The following BRINP2 variants were observed in gnomAD, a reference collection of about 807,000 sequenced individuals.
BRINP2 encodes the protein BMP/retinoic acid inducible neural specific 2.
A neutral mutation model predicts 69.2 loss-of-function variants in BRINP2; 21 were observed. That is an observed-to-expected ratio of 0.30 (90% CI 0.22 to 0.44). The LOEUF is 0.44. Among genes scored for constraint, BRINP2 ranks in the 20% least tolerant of loss-of-function variants. The pLI is 1.00. For synonymous variants in BRINP2, 380 were observed against 394.1 expected, an observed-to-expected ratio of 0.96 and a Z score of 0.42; for missense variants, 877 against 986.0, an observed-to-expected ratio of 0.89 and a Z score of 1.48.
chr1:177,189,837 T>C (rs2102295704), intron 1 of BRINP2, among the ~76,000 whole-genome samples: 1 of 152,208 alleles, frequency 6.6e-6, no homozygotes, highest in Middle Eastern at 3.4e-3. Context: ...GAATAAACCA[T>C]CTTAACGTTA....
At chr1:177,229,726 C>A (rs764791196) in intron 1 of BRINP2, 75 bp from the exon 2 acceptor site, 108 of 1,102,640 alleles carry the variant, frequency 9.8e-5, no homozygotes, top group Non-Finnish European at 1.3e-4. Context: ...TGGGCCCAAC[C>A]CAATTATGTG....
At chr1:177,247,059 C>T (rs1477106621) in intron 2 of BRINP2, among the ~76,000 whole-genome samples, 1 of 152,148 alleles carries the variant, frequency 6.6e-6, no homozygotes, top group Non-Finnish European at 1.5e-5. Context: ...TTTGGCTATT[C>T]TTGTTCATGT....
rs769036872 is a variant in BRINP2 at position 177,280,539 on chromosome 1, C to T, written c.1363C>T (p.Pro455Ser). The T allele has an allele frequency of 1.2e-6, 2 of 1,614,218 alleles. No individual in the cohort carries two copies. The highest frequency in any genetic ancestry group is 1.7e-6 in the Non-Finnish European group (2 of 1,180,050). Residue 455 changes from proline to serine, a missense_variant, in exon 8 of 8, where the codon CCC (proline) becomes TCC (serine). This residue lies in a region of BRINP2 where 566 missense variants were observed against 625.2 expected (regional missense o/e 0.91). Transcript: ENST00000361539. ...CPYDQSSCQG[P>S]IPCALGEGPA... is the part of the protein sequence containing the mutation. ...CTATGACCAATCTTCCTGCCAGGGCCCCATCCCATGTGCCTTGGGCGAAGG... is the reference window on the plus strand; with the variant it reads ...CTATGACCAATCTTCCTGCCAGGGCTCCATCCCATGTGCCTTGGGCGAAGG...
At chr1:177,269,998 T>A (rs866619275) in intron 4 of BRINP2, among the ~76,000 whole-genome samples, 1 of 148,746 alleles carries the variant, frequency 6.7e-6, no homozygotes, top group South Asian at 2.1e-4. Context: ...CAAAGCTGTC[T>A]GCCTCTTCTA....
At chr1:177,209,021 G>A (rs1241683902) in intron 1 of BRINP2, among the ~76,000 whole-genome samples, 1 of 152,060 alleles carries the variant, frequency 6.6e-6, no homozygotes, top group African/African-American at 2.4e-5. Flanking sequence ...TCATTCTGGA[G>A]TTTAAGAGGT....
At chr1:177,237,406 TC>T (rs77239168) in intron 2 of BRINP2, among the ~76,000 whole-genome samples, 1 of 130,254 alleles carries the variant, frequency 7.7e-6, no homozygotes, top group African/African-American at 2.6e-5. Context: ...TAATACATTC[TC>T]AGTGATTGAT....
rs144465493 is a variant in BRINP2 at position 177,215,738 on chromosome 1, A to T, written c.-76-14063A>T. ...GGAATTCCAAAACCATGATGAATAG[A>T]CCTGGCAAGAGTGGGCATCCTTGAC... is the stretch of plus-strand genomic sequence containing the variant. On this transcript the variant is annotated intron_variant, in intron 1 of 7. Transcript: ENST00000361539. Among the ~76,000 whole-genome samples, 1,087 of 152,254 alleles carry T rather than the reference A, an allele frequency of 7.1e-3. 13 individuals are homozygous for T. Among genetic ancestry groups the T allele is most frequent in the African/African-American group, 0.025 (1,045 of 41,562 alleles).
chr1:177,239,771 C>T (rs1650138064), intron 2 of BRINP2, among the ~76,000 whole-genome samples: 1 of 152,150 alleles, frequency 6.6e-6, no homozygotes, highest in South Asian at 2.1e-4. Context: ...GAGGCTGAGG[C>T]CCCTGAGTAT....
intron 2 of BRINP2, among the ~76,000 whole-genome samples, chr1:177,230,713 G>A (rs997058087): frequency 6.6e-6 from 1 of 152,218 alleles, no homozygotes; most frequent in African/African-American, 2.4e-5. Context: ...CATCAGAGCT[G>A]AAAGTCAGAC....
intron 2 of BRINP2, among the ~76,000 whole-genome samples, chr1:177,233,494 G>C (rs976781384): frequency 2.6e-5 from 4 of 152,250 alleles, no homozygotes; most frequent in Admixed American, 6.5e-5. Flanking sequence ...ATTAGCCTAT[G>C]CAGGAAGGAT....
chr1:177,176,674 C>A (rs965895680), intron 1 of BRINP2, among the ~76,000 whole-genome samples: 1 of 151,900 alleles, frequency 6.6e-6, no homozygotes, highest in Non-Finnish European at 1.5e-5. Flanking sequence ...AGGGAGGGGT[C>A]AGGAGCAGCC....
chr1:177,236,950 G>A (rs546329634), intron 2 of BRINP2, among the ~76,000 whole-genome samples: 221 of 151,978 alleles, frequency 1.5e-3, no homozygotes, highest in African/African-American at 5.0e-3. Context: ...ACCTGAAGAG[G>A]CATGTCATTT....
At chr1:177,200,000 T>G (rs1648854606) in intron 1 of BRINP2, among the ~76,000 whole-genome samples, 1 of 152,092 alleles carries the variant, frequency 6.6e-6, no homozygotes, top group South Asian at 2.1e-4. Context: ...CTAGAATGTA[T>G]TCTCAGGCCA....
intron 1 of BRINP2, among the ~76,000 whole-genome samples, chr1:177,187,590 T>A (rs916898365): frequency 5.3e-5 from 8 of 152,250 alleles, no homozygotes; most frequent in African/African-American, 1.9e-4. Context: ...GAGGATCAGC[T>A]TGCAAGGAGG....
At chr1:177,263,339 GA>G (rs1651018780) in intron 4 of BRINP2, among the ~76,000 whole-genome samples, 1 of 152,142 alleles carries the variant, frequency 6.6e-6, no homozygotes, top group Admixed American at 6.5e-5. Flanking sequence ...GGAGTAACAA[GA>G]AAAATAAACT....
At chr1:177,234,136 C>T (rs1649944413) in intron 2 of BRINP2, among the ~76,000 whole-genome samples, 1 of 152,206 alleles carries the variant, frequency 6.6e-6, no homozygotes, top group African/African-American at 2.4e-5. Context: ...TGTGTGACTT[C>T]CGGGCTCCCC....
chr1:177,237,379 G>A (rs1650057547), intron 2 of BRINP2, among the ~76,000 whole-genome samples: 1 of 150,418 alleles, frequency 6.6e-6, no homozygotes. Context: ...CACCTCAAAT[G>A]CTAGAAAGAA....
Position 177,199,206 on chromosome 1 carries a change from T to C in BRINP2, c.-77+27474T>C, listed in dbSNP as rs563951277. Among the ~76,000 whole-genome samples the C allele has an allele frequency of 2.0e-5, 3 of 152,290 alleles. No homozygotes were observed. In the East Asian group the frequency reaches 5.8e-4, roughly 29 times the overall value. ...ACCTTTAAACTTGGCAGCATGATAA[T>C]TGTCTTAGAGAGAGGAATTGTAGGC... On this transcript the variant is annotated intron_variant, in intron 1 of 7. Transcript: ENST00000361539.
intron 2 of BRINP2, among the ~76,000 whole-genome samples, chr1:177,231,001 C>A (rs1318926978): frequency 6.6e-6 from 1 of 151,830 alleles, no homozygotes; most frequent in Non-Finnish European, 1.5e-5. Flanking sequence ...GTTTTTCATG[C>A]AAAAAGAAAA....
Sources: allele counts gnomAD v4.1 joint callset (sites outside exome capture counted in the v4.1 genomes callset), GRCh38; gene constraint gnomAD v4.1.1; regional missense constraint gnomAD v4.1.1; transcripts MANE v1.5; gene names NCBI Gene and HGNC (gene_info 2026-07-23, HGNC 2026-07-21).